The following DYNC1I1 variants were observed in gnomAD, a reference collection of about 807,000 sequenced individuals.
DYNC1I1 encodes cytoplasmic dynein 1 intermediate chain 1.
DYNC1I1 carries 43 observed loss-of-function variants against 86.6 expected under a neutral mutation model. The observed-to-expected ratio is 0.50, with a 90% CI of 0.39 to 0.64. DYNC1I1 has a LOEUF of 0.64. Ranked by LOEUF, DYNC1I1 falls within the 30% of genes least tolerant of loss-of-function variation. The pLI is 0.00. For synonymous variants in DYNC1I1, 262 were observed against 283.7 expected (o/e 0.92, Z 0.77); for missense variants, 604 against 788.8 (o/e 0.77, Z 2.81).
chr7:96,099,041 T>G (rs1584321000), downstream of DYNC1I1, among the ~76,000 whole-genome samples: 1 of 152,182 alleles, frequency 6.6e-6, no homozygotes, highest in South Asian at 2.1e-4. Flanking sequence ...CAATAAAAAT[T>G]TTATAGATAA....
chr7:96,041,601 G>A (rs1267589346), intron 14 of DYNC1I1, among the ~76,000 whole-genome samples: 2 of 152,132 alleles, frequency 1.3e-5, no homozygotes, highest in African/African-American at 2.4e-5. Context: ...TGAATCAAAA[G>A]TATGGTACCT....
intron 14 of DYNC1I1, among the ~76,000 whole-genome samples, chr7:96,055,422 T>C (rs1487482089): frequency 1.3e-5 from 2 of 152,084 alleles, no homozygotes; most frequent in Non-Finnish European, 2.9e-5. Flanking sequence ...AAAGAATAGT[T>C]TTCAAAAAAT....
intron 6 of DYNC1I1, among the ~76,000 whole-genome samples, chr7:95,918,388 CTT>C (rs1450643775): frequency 6.6e-6 from 1 of 152,096 alleles, no homozygotes; most frequent in Non-Finnish European, 1.5e-5. Context: ...CAGCCATTTC[CTT>C]TCTCTTGTTC....
chr7:96,040,762 C>G (rs1789021637), intron 14 of DYNC1I1, among the ~76,000 whole-genome samples: 1 of 150,218 alleles, frequency 6.7e-6, no homozygotes, highest in Admixed American at 6.6e-5. Context: ...CGCTCTGTCA[C>G]CCAGGCTGGA....
At chr7:95,792,052 A>G (rs572281509) in intron 1 of DYNC1I1, among the ~76,000 whole-genome samples, 3 of 152,340 alleles carry the variant, frequency 2.0e-5, no homozygotes, top group East Asian at 1.9e-4. Flanking sequence ...AATGTCTCCA[A>G]TAGTTGTTTA....
At chr7:95,995,153 A>G (rs1584235613) in intron 9 of DYNC1I1, among the ~76,000 whole-genome samples, 1 of 152,270 alleles carries the variant, frequency 6.6e-6, no homozygotes, top group East Asian at 1.9e-4. Context: ...AGGCTGAGGC[A>G]GGAGAATGGC....
intron 4 of DYNC1I1, chr7:95,818,805 C>T (rs780982319): frequency 3.1e-6 from 1 of 323,172 alleles, no homozygotes; most frequent in Non-Finnish European, 5.5e-6. Context: ...TGTATGTCAT[C>T]ATATATAATG....
At chr7:96,100,678 G>GTGTGTGTGTGTGTGTGTA (rs1427707672), downstream of DYNC1I1, among the ~76,000 whole-genome samples, 1 of 151,610 alleles carries the variant, frequency 6.6e-6, no homozygotes, top group Non-Finnish European at 1.5e-5. Flanking sequence ...GTGTGTGTGT[G>GTGTGTGTGTGTGTGTGTA]TGTGGTAAGG....
intron 6 of DYNC1I1, among the ~76,000 whole-genome samples, chr7:95,976,168 G>A (rs1232174152): frequency 6.6e-6 from 1 of 152,158 alleles, no homozygotes; most frequent in Non-Finnish European, 1.5e-5. Flanking sequence ...TCTTTAAAAT[G>A]TTTTACATCC....
At chr7:95,810,293 C>G in intron 2 of DYNC1I1, 99 bp from the exon 3 acceptor site, 2 of 890,190 alleles carry the variant, frequency 2.2e-6, no homozygotes, top group Middle Eastern at 2.4e-4. Flanking sequence ...GGGCTTTCAC[C>G]TTGTCTTCAC....
intron 4 of DYNC1I1, among the ~76,000 whole-genome samples, chr7:95,817,704 A>G (rs1794977962): frequency 6.6e-6 from 1 of 152,222 alleles, no homozygotes. Context: ...GGCAAAGGAC[A>G]GATTGTAATC....
At chr7:95,780,991 A>G (rs1257188578) in intron 1 of DYNC1I1, among the ~76,000 whole-genome samples, 2 of 151,626 alleles carry the variant, frequency 1.3e-5, no homozygotes, top group East Asian at 3.9e-4. Context: ...TTGTGGAAGA[A>G]AGAATAACAA....
intron 6 of DYNC1I1, among the ~76,000 whole-genome samples, chr7:95,898,089 G>A (rs1790935134): frequency 1.3e-5 from 2 of 152,188 alleles, no homozygotes; most frequent in South Asian, 2.1e-4. Context: ...CAATAGTCAG[G>A]TGGAGATTGC....
chr7:95,814,720 G>A lies in DYNC1I1; in HGVS notation c.314+1383G>A, dbSNP rs376152005. ...TTATGTTACCTATTTCTGCCTGTTG[G>A]TGTCCTTCAGACTTGAATATTTTGT... On this transcript the variant is annotated intron_variant, in intron 4 of 16. Transcript: ENST00000447467. Among the ~76,000 whole-genome samples, 4 of 152,140 alleles carry A rather than the reference G, an allele frequency of 2.6e-5. No individual in the cohort carries two copies. The East Asian group carries it at 7.7e-4, about 29-fold the overall frequency.
rs537748762 is a variant in DYNC1I1 at position 95,783,102 on chromosome 7, C to T, written c.-10+10329C>T. ...GTTCCCATTTAGGGCCGTTGGTTTC[C>T]AGGCTTGAGGGTGGAGCGTTTGCTG... is the stretch of plus-strand genomic sequence containing the variant. On this transcript the variant is annotated intron_variant, in intron 1 of 16. Transcript: ENST00000447467. Among the ~76,000 whole-genome samples, 97 of 152,224 alleles carry T rather than the reference C, an allele frequency of 6.4e-4. No homozygotes were observed. The Middle Eastern group carries it at 0.01, about 16-fold the overall frequency.
At chr7:95,843,718 C>T (rs560661267) in intron 5 of DYNC1I1, among the ~76,000 whole-genome samples, 1 of 152,154 alleles carries the variant, frequency 6.6e-6, no homozygotes, top group South Asian at 2.1e-4. Flanking sequence ...AAAATGACTT[C>T]AAGAAAATTG....
chr7:95,804,308 C>A (rs750024064), intron 1 of DYNC1I1: 37 of 1,207,176 alleles, frequency 3.1e-5, no homozygotes, highest in Non-Finnish European at 3.9e-5. Flanking sequence ...TTATGACAGG[C>A]TGTTTTCTTT....
At chr7:96,086,217 T>C (rs73708468) in intron 16 of DYNC1I1, among the ~76,000 whole-genome samples, 35 of 152,344 alleles carry the variant, frequency 2.3e-4, no homozygotes, top group African/African-American at 8.4e-4. Flanking sequence ...CTAACAACTA[T>C]GTTTGCTGCT....
chr7:96,008,801 G>A (rs1794202930), intron 10 of DYNC1I1, among the ~76,000 whole-genome samples: 2 of 152,146 alleles, frequency 1.3e-5, no homozygotes, highest in African/African-American at 4.8e-5. Flanking sequence ...GAGAAGGCTG[G>A]TTTTCATGAG....
Sources: allele counts gnomAD v4.1 joint callset (sites outside exome capture counted in the v4.1 genomes callset), GRCh38; gene constraint gnomAD v4.1.1; transcripts MANE v1.5; gene names NCBI Gene and HGNC (gene_info 2026-07-23, HGNC 2026-07-21).